Variants in PRKAR1A observed in about 807,000 individuals in gnomAD.
PRKAR1A encodes the protein protein kinase cAMP-dependent type I regulatory subunit alpha.
PRKAR1A carries 3 observed loss-of-function variants against 52.0 expected under a neutral mutation model. The observed-to-expected ratio is 0.06, with a 90% CI of 0.03 to 0.15. The LOEUF (loss-of-function observed/expected upper bound fraction) is 0.15, where lower values mean the gene tolerates loss of function less well. Ranked by LOEUF, PRKAR1A falls within the 10% of genes least tolerant of loss-of-function variation. The pLI is 1.00. For missense variants in PRKAR1A, 240 were observed against 477.4 expected (o/e 0.50, Z 4.63); for synonymous variants, 188 against 168.4 (o/e 1.12, Z -0.90).
chr17:68,530,064 T>G, intron 10 of PRKAR1A, 63 bp downstream of exon 10: 1 of 1,561,294 alleles, frequency 6.4e-7, no homozygotes, highest in Non-Finnish European at 8.8e-7. Flanking sequence ...AGTGAGATAT[T>G]GTAGTCTTCC....
the PRKAR1A span, among the ~76,000 whole-genome samples, chr17:68,416,787 TACTAGAAGTATGTCC>T: frequency 9.3e-4 from 116 of 124,588 alleles, no homozygotes; most frequent in Non-Finnish European, 1.7e-3. Flanking sequence ...CATTTTGCAT[TACTAGAAGTATGTCC>T]AATGTTTCCT....
At chr17:68,524,768 G>A in intron 5 of PRKAR1A, 144 bp from the exon 6 acceptor site, 1 of 710,160 alleles carries the variant, frequency 1.4e-6, no homozygotes, top group East Asian at 2.7e-5. Flanking sequence ...TATGTTGCTT[G>A]ATTTTCTTTC....
At chr17:68,495,837 C>T in the PRKAR1A span, among the ~76,000 whole-genome samples, 1 of 150,822 alleles carries the variant, frequency 6.6e-6, no homozygotes. Context: ...AGGGCTGCAT[C>T]CTTTTCTGAA....
downstream of PRKAR1A, chr17:68,537,034 T>C (rs1285156600): frequency 2.2e-6 from 1 of 456,000 alleles, no homozygotes; most frequent in South Asian, 1.6e-5. This position sits in a 1 kb window ranked among gnomAD's most constrained non-coding sequence, Gnocchi z 4.2. Flanking sequence ...TGCAGATTTT[T>C]AGTCAGCTTG....
the PRKAR1A span, among the ~76,000 whole-genome samples, chr17:68,469,780 G>C: frequency 6.6e-6 from 1 of 152,012 alleles, no homozygotes; most frequent in Non-Finnish European, 1.5e-5. Flanking sequence ...TCATTACTTA[G>C]TGAAATAGAA....
At chr17:68,549,925 C>T (rs947793094) in intron 11 of PRKAR1A, among the ~76,000 whole-genome samples, 3 of 152,194 alleles carry the variant, frequency 2.0e-5, no homozygotes, top group Admixed American at 2.0e-4. Context: ...TGAGGTCTCT[C>T]CTGAAATTGT....
the PRKAR1A span, among the ~76,000 whole-genome samples, chr17:68,432,226 C>T: frequency 2.0e-5 from 3 of 152,078 alleles, no homozygotes; most frequent in African/African-American, 7.2e-5. Flanking sequence ...TGGGGGGAGA[C>T]AAGGATTCTA....
At chr17:68,426,244 G>T in the PRKAR1A span, 1 of 985,746 alleles carries the variant, frequency 1.0e-6, no homozygotes. Context: ...CTGGCGGGTG[G>T]GGAGCGGGGG....
downstream of PRKAR1A, among the ~76,000 whole-genome samples, chr17:68,533,593 C>T (rs2086034459): frequency 6.6e-6 from 1 of 152,172 alleles, no homozygotes; most frequent in Non-Finnish European, 1.5e-5. Flanking sequence ...TCTCTAACCA[C>T]AAATAATAGC....
At chr17:68,436,306 C>T in the PRKAR1A span, 6 of 1,358,000 alleles carry the variant, frequency 4.4e-6, no homozygotes, top group Non-Finnish European at 6.3e-6. Context: ...GACGGCAGGG[C>T]GTCCTTATCT....
chr17:68,473,561 C>T, the PRKAR1A span, among the ~76,000 whole-genome samples: 1 of 152,182 alleles, frequency 6.6e-6, no homozygotes, highest in South Asian at 2.1e-4. Flanking sequence ...CTCACTCTGT[C>T]GCCCAGGCTG....
the PRKAR1A span, among the ~76,000 whole-genome samples, chr17:68,482,649 G>A: frequency 6.6e-6 from 1 of 152,138 alleles, no homozygotes; most frequent in African/African-American, 2.4e-5. Context: ...TAAGCTTAGC[G>A]TTATCAAACC....
At chr17:68,491,742 A>G in the PRKAR1A span, among the ~76,000 whole-genome samples, 1 of 152,142 alleles carries the variant, frequency 6.6e-6, no homozygotes, top group African/African-American at 2.4e-5. Context: ...AGAACTCACA[A>G]ATAGCAAAAG....
downstream of PRKAR1A, among the ~76,000 whole-genome samples, chr17:68,534,347 C>G (rs2086048683): frequency 6.6e-6 from 1 of 152,056 alleles, no homozygotes; most frequent in African/African-American, 2.4e-5. Flanking sequence ...ACTGTTGATC[C>G]TTATCATTCA....
At chr17:68,462,923 C>G in the PRKAR1A span, among the ~76,000 whole-genome samples, 1 of 152,184 alleles carries the variant, frequency 6.6e-6, no homozygotes, top group Admixed American at 6.5e-5. Context: ...AAGGGTACAT[C>G]TAGAAATATT....
At chr17:68,469,578 T>C in the PRKAR1A span, among the ~76,000 whole-genome samples, 1 of 151,694 alleles carries the variant, frequency 6.6e-6, no homozygotes, top group Non-Finnish European at 1.5e-5. Flanking sequence ...TTAAATATCA[T>C]ACAAAACTTT....
intron 1 of PRKAR1A, chr17:68,513,283 C>T (rs1311399257): frequency 6.6e-6 from 1 of 152,222 alleles, no homozygotes; most frequent in African/African-American, 2.4e-5. Context: ...TACCTATTAA[C>T]CTCTTCAGCT....
the PRKAR1A span, among the ~76,000 whole-genome samples, chr17:68,444,225 G>A: frequency 2.6e-5 from 4 of 152,110 alleles, no homozygotes; most frequent in Non-Finnish European, 5.9e-5. Flanking sequence ...TCTACCTTAC[G>A]TGCCTTGACA....
chr17:68,497,668 T>C, the PRKAR1A span, among the ~76,000 whole-genome samples: 1 of 152,154 alleles, frequency 6.6e-6, no homozygotes, highest in Non-Finnish European at 1.5e-5. Context: ...ACAAGGATGA[T>C]GCTCTTATGA....
Sources: gnomAD v4.1 joint callset for allele counts (sites outside exome capture counted in the v4.1 genomes callset) on GRCh38, gnomAD v4.1.1 for gene constraint, Gnocchi (gnomAD v3.1) non-coding constraint, MANE v1.5 for transcripts, NCBI Gene and HGNC (gene_info 2026-07-23, HGNC 2026-07-21) for gene names.